The following FBXW8 variants were observed in gnomAD, a reference collection of about 807,000 sequenced individuals.
FBXW8 encodes F-box and WD repeat domain containing 8, also known as F-box/WD repeat-containing protein 8.
Under a neutral mutation model 65.3 loss-of-function variants are expected in FBXW8, and 57 were observed. The observed-to-expected ratio is 0.87, with a 90% CI of 0.71 to 1.09. The LOEUF is 1.09. Among genes scored for constraint, FBXW8 ranks in the 50% least tolerant of loss-of-function variants. FBXW8 has a pLI of 0.00. For missense variants in FBXW8, 777 were observed against 814.8 expected (o/e 0.95, Z 0.57); for synonymous variants, 308 against 330.2 (o/e 0.93, Z 0.73).
At chr12:116,999,212 C>T (rs1565934353) in intron 7 of FBXW8, among the ~76,000 whole-genome samples, 2 of 152,226 alleles carry the variant, frequency 1.3e-5, no homozygotes, top group Admixed American at 6.5e-5. Context: ...AACTAAGGGA[C>T]TCAGGAAGAG....
At chr12:116,927,463 C>T (rs1007963490) in intron 1 of FBXW8, among the ~76,000 whole-genome samples, 17 of 152,200 alleles carry the variant, frequency 1.1e-4, no homozygotes, top group African/African-American at 4.1e-4. Context: ...CCATCAAGAG[C>T]AGTGTCTACT....
Position 116,979,777 on chromosome 12 carries a change from C to CAAA in FBXW8, c.836-5412_836-5410dup, listed in dbSNP as rs60145855. On this transcript the variant is annotated intron_variant, in intron 5 of 10. Transcript: ENST00000652555. The stretch of plus-strand genomic sequence containing the variant: ...GGATGATGCCTGGTGCAGGGAATGG[C>CAAA]AAAAAAAAAAAAAAAAAAACACTTG... Among the ~76,000 whole-genome samples, 321 of 74,484 alleles carry CAAA rather than the reference C, an allele frequency of 4.3e-3. 5 individuals are homozygous for CAAA. The highest frequency in any genetic ancestry group is 0.012 in the African/African-American group (297 of 23,992). The allele number at this position is 74,484 out of a possible 152,430, so 48.9% of individuals were successfully genotyped here.
intron 7 of FBXW8, among the ~76,000 whole-genome samples, chr12:116,999,569 A>C (rs1953458189): frequency 6.6e-6 from 1 of 151,094 alleles, no homozygotes; most frequent in Non-Finnish European, 1.5e-5. Flanking sequence ...CCCTTTCCCC[A>C]CCTTTATACT....
intron 2 of FBXW8, among the ~76,000 whole-genome samples, chr12:116,929,856 C>G (rs1050877646): frequency 3.3e-5 from 5 of 152,186 alleles, no homozygotes; most frequent in African/African-American, 1.2e-4. Flanking sequence ...CCGCCAGCCA[C>G]TGGTAACCGC....
At chr12:117,022,899 C>T in intron 8 of FBXW8, among the ~76,000 whole-genome samples, 1 of 152,132 alleles carries the variant, frequency 6.6e-6, no homozygotes, top group East Asian at 1.9e-4. Context: ...ATGGGCAGCT[C>T]TTCTTGTTAA....
chr12:117,023,288 T>TGCTAGATGC (rs1292217133), intron 8 of FBXW8, among the ~76,000 whole-genome samples: 1 of 152,234 alleles, frequency 6.6e-6, no homozygotes, highest in Non-Finnish European at 1.5e-5. Flanking sequence ...TCCTGTTCCT[T>TGCTAGATGC]GCTAGATGCT....
intron 5 of FBXW8, among the ~76,000 whole-genome samples, chr12:116,973,653 C>T (rs1158721657): frequency 6.6e-6 from 1 of 152,222 alleles, no homozygotes; most frequent in Non-Finnish European, 1.5e-5. Context: ...GGCCTGTCCT[C>T]TTCAGCACTG....
At chr12:116,953,751 C>T (rs1416348993) in intron 4 of FBXW8, among the ~76,000 whole-genome samples, 12 of 149,902 alleles carry the variant, frequency 8.0e-5, no homozygotes, top group South Asian at 2.1e-4. Context: ...CCAGCCTGGG[C>T]GACAGAGCAA....
chr12:117,018,761 T>G (rs1954018274), intron 8 of FBXW8, among the ~76,000 whole-genome samples: 3 of 152,258 alleles, frequency 2.0e-5, no homozygotes. Context: ...TTATTTTGTT[T>G]GGAGCCATCC....
At chr12:117,026,762 C>G (rs1954242411) in intron 9 of FBXW8, among the ~76,000 whole-genome samples, 1 of 152,252 alleles carries the variant, frequency 6.6e-6, no homozygotes, top group African/African-American at 2.4e-5. Flanking sequence ...CTGGGCCAGG[C>G]ATCCACCTGG....
intron 7 of FBXW8, among the ~76,000 whole-genome samples, chr12:117,007,598 C>G (rs772287525): frequency 1.3e-5 from 2 of 152,140 alleles, no homozygotes; most frequent in Admixed American, 1.3e-4. Context: ...ATATTTTCTC[C>G]GGGATTTGTG....
intron 8 of FBXW8, among the ~76,000 whole-genome samples, chr12:117,021,774 T>C (rs1180915187): frequency 6.6e-6 from 1 of 152,202 alleles, no homozygotes; most frequent in African/African-American, 2.4e-5. Flanking sequence ...TTTTTCCTTT[T>C]GTCTAATTGT....
At chr12:117,003,098 A>G (rs1953577025) in intron 7 of FBXW8, 1 of 152,230 alleles carries the variant, frequency 6.6e-6, no homozygotes, top group South Asian at 2.1e-4. Flanking sequence ...ACTGAATAAA[A>G]GTGTACCTGG....
At chr12:116,979,008 A>G (rs1278648212) in intron 5 of FBXW8, 1 of 152,226 alleles carries the variant, frequency 6.6e-6, no homozygotes, top group African/African-American at 2.4e-5. Context: ...AGAAGCAGCT[A>G]ATTGTTTAGG....
intron 7 of FBXW8, among the ~76,000 whole-genome samples, chr12:116,992,798 A>G (rs867136855): frequency 1.7e-3 from 77 of 45,338 alleles, no homozygotes; most frequent in African/African-American, 3.7e-3. Flanking sequence ...GTGTGTGTGT[A>G]TCACATTTTC....
intron 6 of FBXW8, among the ~76,000 whole-genome samples, chr12:116,988,139 C>CA (rs1196204286): frequency 6.6e-6 from 1 of 152,184 alleles, no homozygotes; most frequent in Non-Finnish European, 1.5e-5. Flanking sequence ...AGCTAAGACA[C>CA]AATTGTACTA....
Position 116,936,251 on chromosome 12 carries a change from A to C in FBXW8, c.423+8124A>C, listed in dbSNP as rs539733099. On this transcript the variant is annotated intron_variant, in intron 2 of 10. Transcript: ENST00000652555. The surrounding 1 kb of genome is among the most constrained non-coding windows in gnomAD (Gnocchi z 4.6). Reference sequence around the variant, plus strand: ...AGCAAGGACGAAGGACTTGAGGCAGACACAGCTGAAGCTCATCTGAGGCAG... The same window carrying C: ...AGCAAGGACGAAGGACTTGAGGCAGCCACAGCTGAAGCTCATCTGAGGCAG... Among the ~76,000 whole-genome samples, 11 of 152,330 alleles carry C rather than the reference A, an allele frequency of 7.2e-5. No homozygotes were observed. The highest frequency in any genetic ancestry group is 6.2e-4 in the South Asian group (3 of 4,818).
chr12:116,973,789 G>A (rs1304795054), intron 5 of FBXW8, among the ~76,000 whole-genome samples: 1 of 152,196 alleles, frequency 6.6e-6, no homozygotes, highest in Non-Finnish European at 1.5e-5. Context: ...ACATTACTGG[G>A]ACAGTTGGCA....
chr12:116,944,289 A>G (rs1332576525), intron 2 of FBXW8, among the ~76,000 whole-genome samples: 3 of 152,130 alleles, frequency 2.0e-5, no homozygotes, highest in Non-Finnish European at 4.4e-5. Context: ...GCTGTTATGG[A>G]GGAGCAGGTC....
Sources: gnomAD v4.1 joint callset for allele counts (sites outside exome capture counted in the v4.1 genomes callset) on GRCh38, gnomAD v4.1.1 for gene constraint, Gnocchi (gnomAD v3.1) non-coding constraint, MANE v1.5 for transcripts, NCBI Gene and HGNC (gene_info 2026-07-23, HGNC 2026-07-21) for gene names.